Variants in DNAJB6 observed in about 807,000 individuals in gnomAD.
The protein encoded by DNAJB6 is dnaJ homolog subfamily B member 6.
A neutral mutation model predicts 42.7 loss-of-function variants in DNAJB6; 16 were observed. The ratio of observed to expected loss-of-function variants is 0.37; its 90% CI spans 0.25 to 0.57. The LOEUF is 0.57. DNAJB6 is among the 20% of genes least tolerant of loss of function. The pLI is 0.74. For missense variants in DNAJB6, 347 were observed against 416.8 expected (o/e 0.83, Z 1.46); for synonymous variants, 170 against 163.5 (o/e 1.04, Z -0.30).
intron 5 of DNAJB6, among the ~76,000 whole-genome samples, chr7:157,374,683 C>T (rs1800384647): frequency 6.6e-6 from 1 of 152,110 alleles, no homozygotes; most frequent in African/African-American, 2.4e-5. Context: ...CCTCTGACGT[C>T]CTCCCTTAAA....
In DNAJB6 at chr7:157,388,638, T is replaced by TGG. The variant is rs35379241; in HGVS notation, c.691+3036_691+3037dup. Among the ~76,000 whole-genome samples, 1,061 of 143,576 alleles carry TGG rather than the reference T, an allele frequency of 7.4e-3. 15 individuals carry two copies. Among genetic ancestry groups the TGG allele is most frequent in the East Asian group, 0.046 (205 of 4,472 alleles). 94.2% of individuals were successfully genotyped at this position (143,576 alleles called of 152,430 possible). A position where few individuals can be genotyped will look rare whatever the true frequency, so the allele number is the denominator to read the frequency against. On this transcript the variant is annotated intron_variant, in intron 8 of 9. Coordinates refer to ENST00000262177, the MANE Select transcript of DNAJB6 (RefSeq NM_058246.4). ...TTTTTAAAAATACTTCAATAGCTTT[T>TGG]GGGGGGGGGGTAAGTGGTTTTTGGT...
intron 1 of DNAJB6, among the ~76,000 whole-genome samples, chr7:157,349,065 G>T (rs563513325): frequency 2.3e-4 from 35 of 151,868 alleles, no homozygotes; most frequent in Non-Finnish European, 4.0e-4. Flanking sequence ...TTTTTGTGTA[G>T]ATGAGGGCTT....
At chr7:157,410,364 C>T in intron 9 of DNAJB6, 1 of 414,642 alleles carries the variant, frequency 2.4e-6, no homozygotes, top group Non-Finnish European at 4.2e-6. Context: ...CGGGTGGTCT[C>T]GTGCTGGTGG....
Position 157,384,905 on chromosome 7 carries a change from A to C in DNAJB6, c.517A>C (p.Thr173Pro), listed in dbSNP as rs1800977084. ...TGGGTCACTAGGTCACGGGGGCCTC[A>C]CTTCATTCTCTTCCACGTCATTTGG... Reference protein sequence around the residue: ...SFGSLGHGGLTSFSSTSFGGS... With the variant: ...SFGSLGHGGLPSFSSTSFGGS... Residue 173 changes from threonine (T) to proline (P), a missense_variant, in exon 7 of 10, where the codon ACT becomes CCT. Around this residue, in one of 3 missense-constraint regions of DNAJB6, gnomAD observed 264 missense variants for 288.0 expected, o/e 0.92. Transcript: ENST00000262177. 5.6e-6 allele frequency: 9 copies of C among 1,613,470 alleles called. No homozygotes were observed. Among genetic ancestry groups the C allele is most frequent in the Non-Finnish European group, 7.6e-6 (9 of 1,179,876 alleles).
chr7:157,344,289 C>G (rs868520551), intron 1 of DNAJB6, among the ~76,000 whole-genome samples: 3 of 151,796 alleles, frequency 2.0e-5, no homozygotes, highest in Admixed American at 1.3e-4. Flanking sequence ...TGCAGTGAGC[C>G]GAGATCCCTC....
At chr7:157,382,178 G>A in intron 5 of DNAJB6, 68 bp from the exon 6 acceptor site, 1 of 1,484,790 alleles carries the variant, frequency 6.7e-7, no homozygotes, top group Non-Finnish European at 9.0e-7. Flanking sequence ...TTCTCTTACT[G>A]TAGCTATCAC....
intron 1 of DNAJB6, among the ~76,000 whole-genome samples, chr7:157,355,264 C>A (rs962098387): frequency 6.6e-6 from 1 of 152,220 alleles, no homozygotes; most frequent in Non-Finnish European, 1.5e-5. Context: ...GGGTTCACGC[C>A]GTTCTCCTGC....
intron 3 of DNAJB6, among the ~76,000 whole-genome samples, chr7:157,363,599 C>T (rs1269195082): frequency 6.6e-6 from 1 of 152,066 alleles, no homozygotes; most frequent in Non-Finnish European, 1.5e-5. Flanking sequence ...CGTGCTTGCC[C>T]CCGTTGTGTG....
In DNAJB6 at chr7:157,346,316, T is replaced by TAA. The variant is rs60806134; in HGVS notation, c.-27+9192_-27+9193dup. ...GGTAGCCCTGCTCTGCAAGGAGTAGTAAAAAAAAAAAAAAAAAAAAAGTTA... is the reference window on the plus strand; with the variant it reads ...GGTAGCCCTGCTCTGCAAGGAGTAGTAAAAAAAAAAAAAAAAAAAAAAAGTTA... On this transcript the variant is annotated intron_variant, in intron 1 of 9. Coordinates refer to ENST00000262177, the MANE Select transcript of DNAJB6 (RefSeq NM_058246.4). 6.3e-3 allele frequency among the ~76,000 whole-genome samples: 740 copies of TAA among 117,692 alleles called. 6 individuals are homozygous for TAA. The highest frequency in any genetic ancestry group is 9.9e-3 in the South Asian group (31 of 3,120). 77.2% of individuals were successfully genotyped at this position (117,692 alleles called of 152,430 possible).
intron 8 of DNAJB6, among the ~76,000 whole-genome samples, chr7:157,388,773 G>A (rs1031251320): frequency 4.6e-5 from 7 of 151,984 alleles, no homozygotes; most frequent in Non-Finnish European, 8.8e-5. Context: ...GCATCCTTTT[G>A]TCTGGAGGGC....
chr7:157,382,204 T>TG lies in DNAJB6; in HGVS notation c.347-41dup, dbSNP rs1800816499. 2.6e-6 allele frequency: 4 copies of TG among 1,531,294 alleles called. No individual in the cohort carries two copies. In the East Asian group the frequency reaches 9.4e-5, roughly 36 times the overall value. 94.9% of individuals were successfully genotyped at this position (1,531,294 alleles called of 1,614,324 possible). ...TAGCTATCACATGAGGAAAAAAACTTGAAAAAAAGACTTCATAGTGTGTGT... is the reference window on the plus strand; with the variant it reads ...TAGCTATCACATGAGGAAAAAAACTTGGAAAAAAAGACTTCATAGTGTGTGT... On this transcript the variant is annotated intron_variant, in intron 5 of 9. Coordinates refer to ENST00000262177, the MANE Select transcript of DNAJB6 (RefSeq NM_058246.4).
At chr7:157,360,843 T>G (rs559604323) in intron 2 of DNAJB6, among the ~76,000 whole-genome samples, 24 of 152,322 alleles carry the variant, frequency 1.6e-4, no homozygotes, top group East Asian at 3.9e-4. Context: ...CCATGGGCCT[T>G]CCTTCCTTGG....
intron 2 of DNAJB6, among the ~76,000 whole-genome samples, chr7:157,360,071 C>T (rs1299759453): frequency 2.0e-5 from 3 of 152,314 alleles, no homozygotes; most frequent in South Asian, 2.1e-4. Context: ...TACCTTACTC[C>T]TCTCGAATAA....
chr7:157,405,572 G>A (rs6459771), intron 8 of DNAJB6, among the ~76,000 whole-genome samples: 76,381 of 152,040 alleles, frequency 0.5, 20,923 homozygotes, highest in East Asian at 0.68. Context: ...TGTCAGCCCT[G>A]AACATGGAGA....
chr7:157,414,329 G>C (rs1185669892), intron 9 of DNAJB6: 1 of 152,330 alleles, frequency 6.6e-6, no homozygotes, highest in Non-Finnish European at 1.5e-5. Flanking sequence ...TCCTCTGAGG[G>C]ACACGGCCTC....
At chr7:157,401,076 T>G (rs1801837160) in intron 8 of DNAJB6, among the ~76,000 whole-genome samples, 2 of 152,168 alleles carry the variant, frequency 1.3e-5, no homozygotes, top group South Asian at 4.1e-4. Context: ...GCTGTCGGCC[T>G]CCTCGCCTCT....
At chr7:157,407,660 C>G (rs1381319245) in intron 8 of DNAJB6, among the ~76,000 whole-genome samples, 1 of 152,146 alleles carries the variant, frequency 6.6e-6, no homozygotes, top group Non-Finnish European at 1.5e-5. Context: ...TGGGATGGCC[C>G]AGGGTGCACA....
At chr7:157,404,634 C>T (rs1795688101) in intron 8 of DNAJB6, among the ~76,000 whole-genome samples, 1 of 151,750 alleles carries the variant, frequency 6.6e-6, no homozygotes, top group Non-Finnish European at 1.5e-5. Flanking sequence ...CTTGAGCCTC[C>T]CGAGTAACTG....
chr7:157,367,191 C>T (rs904862413), intron 4 of DNAJB6, among the ~76,000 whole-genome samples, 182 bp from the exon 5 acceptor site: 8 of 152,294 alleles, frequency 5.3e-5, no homozygotes, highest in African/African-American at 1.7e-4. Context: ...ATGCCATCAG[C>T]GCTGGGCACA....
Sources: allele counts gnomAD v4.1 joint callset (sites outside exome capture counted in the v4.1 genomes callset), GRCh38; gene constraint gnomAD v4.1.1; regional missense constraint gnomAD v4.1.1; transcripts MANE v1.5; gene names NCBI Gene and HGNC (gene_info 2026-07-23, HGNC 2026-07-21).